PLCL1: variants seen among roughly 807,000 people sequenced by gnomAD.
PLCL1 encodes inactive phospholipase C-like protein 1.
Under a neutral mutation model 84.4 loss-of-function variants are expected in PLCL1, and 41 were observed. The ratio of observed to expected loss-of-function variants is 0.49; its 90% CI spans 0.38 to 0.63. The LOEUF is 0.63. PLCL1 is among the 30% of genes least tolerant of loss of function. PLCL1 has a pLI of 0.00. For synonymous variants in PLCL1, 490 were observed against 488.3 expected (o/e 1.00, Z -0.05); for missense variants, 1,206 against 1,367.8 (o/e 0.88, Z 1.87).
intron 1 of PLCL1, among the ~76,000 whole-genome samples, chr2:198,066,864 C>T (rs1329047972): frequency 6.6e-6 from 1 of 152,082 alleles, no homozygotes; most frequent in Non-Finnish European, 1.5e-5. Flanking sequence ...ATGCGTAGTA[C>T]CCCACTCCAG....
chr2:198,030,807 A>G (rs531407327), intron 1 of PLCL1, among the ~76,000 whole-genome samples: 4 of 151,840 alleles, frequency 2.6e-5, no homozygotes, highest in Non-Finnish European at 5.9e-5. Context: ...CATGTTTTCT[A>G]CTCCATTGTC....
chr2:197,883,418 G>T (rs1258376037), intron 1 of PLCL1, among the ~76,000 whole-genome samples: 1 of 152,134 alleles, frequency 6.6e-6, no homozygotes, highest in African/African-American at 2.4e-5. Context: ...TGCCTCGTGG[G>T]ATAATAATCA....
intron 3 of PLCL1, among the ~76,000 whole-genome samples, chr2:198,091,916 C>G (rs1168898134): frequency 6.6e-6 from 1 of 151,432 alleles, no homozygotes; most frequent in African/African-American, 2.4e-5. Context: ...TGCCCAATCT[C>G]ACTACATCTC....
intron 3 of PLCL1, among the ~76,000 whole-genome samples, chr2:198,089,729 AG>A (rs552847187): frequency 3.4e-4 from 52 of 152,346 alleles, no homozygotes; most frequent in Non-Finnish European, 6.9e-4. Context: ...TTCTGTTACT[AG>A]GAAATAAGGG....
At chr2:198,101,221 G>A (rs893014556) in intron 3 of PLCL1, 64 bp from the exon 4 acceptor site, 18 of 937,740 alleles carry the variant, frequency 1.9e-5, no homozygotes, top group African/African-American at 8.3e-5. Flanking sequence ...TCTGTATGTC[G>A]TCTTCCCAAT....
chr2:198,028,584 A>G (rs1292099502), intron 1 of PLCL1, among the ~76,000 whole-genome samples: 1 of 152,176 alleles, frequency 6.6e-6, no homozygotes, highest in African/African-American at 2.4e-5. Context: ...CCCCTTGACT[A>G]GAGTAAAAGT....
At chr2:198,146,710 G>C in intron 5 of PLCL1, 70 bp from the exon 6 acceptor site, 2 of 1,308,420 alleles carry the variant, frequency 1.5e-6, no homozygotes, top group Admixed American at 2.0e-5. Flanking sequence ...TAAGAACATA[G>C]AGTGATGTCA....
At chr2:198,130,589 G>A (rs1023561218) in intron 5 of PLCL1, among the ~76,000 whole-genome samples, 3 of 152,104 alleles carry the variant, frequency 2.0e-5, no homozygotes, top group Admixed American at 2.0e-4. Flanking sequence ...AGGTCGGCAT[G>A]TCTCCAGCTG....
intron 1 of PLCL1, among the ~76,000 whole-genome samples, chr2:198,019,162 T>C (rs1324607094): frequency 6.6e-6 from 1 of 152,040 alleles, no homozygotes; most frequent in African/African-American, 2.4e-5. Flanking sequence ...GAAGGAAAAC[T>C]AATAAACAAA....
chr2:197,968,489 G>T (rs1689793660), intron 1 of PLCL1, among the ~76,000 whole-genome samples: 1 of 152,130 alleles, frequency 6.6e-6, no homozygotes, highest in South Asian at 2.1e-4. Flanking sequence ...TACTTTCTAG[G>T]TTTCCAACTC....
rs76111566 is a variant in PLCL1 at position 198,140,193 on chromosome 2, A to G, written c.3106-6587A>G. Among the ~76,000 whole-genome samples, 879 of 152,218 alleles carry G rather than the reference A, an allele frequency of 5.8e-3. 5 individuals are homozygous for G. The highest frequency in any genetic ancestry group is 9.1e-3 in the Non-Finnish European group (621 of 67,996). ...AGCTCTGGTCAACAAGTGCATCTCA[A>G]TGCAGTGGGTTTTATTGAGTGATAC... On this transcript the variant is annotated intron_variant, in intron 5 of 5. Coordinates refer to ENST00000428675, the MANE Select transcript of PLCL1 (RefSeq NM_006226.4).
chr2:197,864,844 T>G (rs752843950), intron 1 of PLCL1, among the ~76,000 whole-genome samples: 2 of 152,194 alleles, frequency 1.3e-5, no homozygotes, highest in African/African-American at 2.4e-5. Flanking sequence ...ATGTTAAAAA[T>G]CAGCAGTTAC....
chr2:197,854,492 A>G (rs917114534), intron 1 of PLCL1, among the ~76,000 whole-genome samples: 2 of 152,196 alleles, frequency 1.3e-5, no homozygotes, highest in Non-Finnish European at 2.9e-5. Flanking sequence ...GCAAAAAAAA[A>G]TCTTCAAATG....
intron 1 of PLCL1, among the ~76,000 whole-genome samples, chr2:197,947,825 TC>T (rs888353152): frequency 1.3e-5 from 2 of 152,166 alleles, no homozygotes; most frequent in African/African-American, 4.8e-5. Context: ...TAAGTATTTT[TC>T]AAAACTCCTG....
chr2:197,857,341 G>T (rs568816719), intron 1 of PLCL1, among the ~76,000 whole-genome samples: 32 of 152,172 alleles, frequency 2.1e-4, no homozygotes, highest in African/African-American at 7.5e-4. Context: ...TACAACCTCT[G>T]CAGAGATCTT....
intron 1 of PLCL1, among the ~76,000 whole-genome samples, chr2:197,922,331 A>G (rs1348897803): frequency 1.1e-5 from 1 of 91,888 alleles, no homozygotes; most frequent in Non-Finnish European, 2.3e-5. Flanking sequence ...GGTTGGGGGT[A>G]AGGTCACAGA....
chr2:197,981,280 A>G (rs1452370283), intron 1 of PLCL1, among the ~76,000 whole-genome samples: 1 of 152,178 alleles, frequency 6.6e-6, no homozygotes, highest in Non-Finnish European at 1.5e-5. Flanking sequence ...TGTACTCACT[A>G]ATGTATTATG....
intron 1 of PLCL1, among the ~76,000 whole-genome samples, chr2:197,812,181 T>C (rs1559012856): frequency 6.6e-6 from 1 of 152,218 alleles, no homozygotes; most frequent in Non-Finnish European, 1.5e-5. Flanking sequence ...TTCCATAGTG[T>C]ATGCTTCCCA....
chr2:197,861,627 G>C (rs961295779), intron 1 of PLCL1, among the ~76,000 whole-genome samples: 6 of 152,148 alleles, frequency 3.9e-5, no homozygotes, highest in African/African-American at 1.4e-4. Context: ...AGGATAAGGA[G>C]GGGAAGTCTT....
Sources: allele counts gnomAD v4.1 joint callset (sites outside exome capture counted in the v4.1 genomes callset), GRCh38; gene constraint gnomAD v4.1.1; transcripts MANE v1.5; gene names NCBI Gene and HGNC (gene_info 2026-07-23, HGNC 2026-07-21).